Variants in CCDC178 observed in about 807,000 individuals in gnomAD.
The protein encoded by CCDC178 is coiled-coil domain containing 178.
A neutral mutation model predicts 117.4 loss-of-function variants in CCDC178; 126 were observed. The ratio of observed to expected loss-of-function variants is 1.07; its 90% confidence interval spans 0.93 to 1.24. The LOEUF (loss-of-function observed/expected upper bound fraction) is 1.24. Among genes scored for constraint, CCDC178 ranks in the 50% most tolerant of loss-of-function variants. The probability of loss-of-function intolerance (pLI) is 0.00; values close to 1 mark genes in which losing one functional copy is unlikely to be tolerated. For synonymous variants in CCDC178, 283 were observed against 313.4 expected, an observed-to-expected ratio of 0.90 and a Z score of 1.02; for missense variants, 1,030 against 986.9, an observed-to-expected ratio of 1.04 and a Z score of -0.59.
chr18:33,266,781 G>T, intron 14 of CCDC178, 135 bp downstream of exon 14: 5 of 922,252 alleles, frequency 5.4e-6, no homozygotes, highest in East Asian at 2.9e-5. Flanking sequence ...GCAACATTTT[G>T]AATAGAACTT....
At chr18:32,957,859 T>A (rs2054625308) in intron 22 of CCDC178, 1 of 160,306 alleles carries the variant, frequency 6.2e-6, no homozygotes, top group Non-Finnish European at 1.4e-5. Context: ...ATCGTATGAT[T>A]TGGAGCAAGT....
At chr18:33,027,222 G>T (rs1321741142) in intron 21 of CCDC178, among the ~76,000 whole-genome samples, 1 of 151,820 alleles carries the variant, frequency 6.6e-6, no homozygotes, top group Middle Eastern at 3.4e-3. Flanking sequence ...CCATGAAAAG[G>T]TTAGTAAAAG....
At chr18:32,940,821 G>C (rs1287346913) in intron 22 of CCDC178, among the ~76,000 whole-genome samples, 2 of 152,038 alleles carry the variant, frequency 1.3e-5, no homozygotes, top group African/African-American at 4.8e-5. Context: ...GCAAAACATT[G>C]ATCAGAACAA....
At position 33,005,088 on chromosome 18, in the gene CCDC178, A is replaced by C. The variant is rs118082367; in HGVS notation, c.2389-30407T>G. On this transcript the variant is annotated intron_variant, in intron 21 of 22. Transcript: ENST00000383096. ...TCAAAAAACTAAAAATAGAGCTCCC[A>C]TATGACCCAACAATCCTACTGCTAG... Among the ~76,000 whole-genome samples, 1,215 of 152,230 alleles carry C rather than the reference A, an allele frequency of 8.0e-3. 10 individuals carry two copies. Among genetic ancestry groups the C allele is most frequent in the Non-Finnish European group, 9.7e-3 (657 of 67,968 alleles).
intron 15 of CCDC178, among the ~76,000 whole-genome samples, chr18:33,233,620 G>A (rs917045752): frequency 4.6e-5 from 7 of 151,784 alleles, no homozygotes; most frequent in Admixed American, 4.6e-4. Flanking sequence ...GTAGCCTCAC[G>A]CTATAGGAGT....
At chr18:33,313,290 G>C (rs952905454) in intron 11 of CCDC178, among the ~76,000 whole-genome samples, 4 of 152,176 alleles carry the variant, frequency 2.6e-5, no homozygotes, top group Admixed American at 6.5e-5. Flanking sequence ...AGCCCAGGTG[G>C]AAGCAGTTCA....
In CCDC178 at chr18:32,937,742, A is replaced by T; in HGVS notation, c.*269T>A. On this transcript the variant is annotated 3_prime_UTR_variant, in exon 23 of 23. Coordinates refer to ENST00000383096, the MANE Select transcript of CCDC178 (RefSeq NM_001105528.4). ...TCTCTTCCAATTAATGGTGACATAGATTAATTATCAGATGAGGCAAAGCCA... is the reference window on the plus strand; with the variant it reads ...TCTCTTCCAATTAATGGTGACATAGTTTAATTATCAGATGAGGCAAAGCCA... 5.0e-6 allele frequency: 2 copies of T among 397,522 alleles called. No individual in the cohort carries two copies. The allele number at this position is 397,522 out of a possible 1,614,324, so 24.6% of individuals were successfully genotyped here. A position where few individuals can be genotyped will look rare whatever the true frequency, so the allele number is the denominator to read the frequency against.
chr18:33,275,409 C>G (rs956450344), intron 12 of CCDC178, among the ~76,000 whole-genome samples: 1 of 151,286 alleles, frequency 6.6e-6, no homozygotes, highest in Non-Finnish European at 1.5e-5. Context: ...TAAAGTTATT[C>G]ATTTTAATAT....
intron 9 of CCDC178, among the ~76,000 whole-genome samples, chr18:33,334,237 A>G: frequency 6.6e-6 from 1 of 152,166 alleles, no homozygotes; most frequent in East Asian, 1.9e-4. Flanking sequence ...ACTAAAACAT[A>G]AAATAAACTA....
intron 20 of CCDC178, among the ~76,000 whole-genome samples, chr18:33,198,226 T>A (rs1598990387): frequency 6.6e-6 from 1 of 152,178 alleles, no homozygotes; most frequent in Non-Finnish European, 1.5e-5. Context: ...AAACCACTGA[T>A]AACTCACTAA....
chr18:33,260,802 A>T (rs1336749020), intron 14 of CCDC178, among the ~76,000 whole-genome samples: 2 of 152,012 alleles, frequency 1.3e-5, no homozygotes, highest in South Asian at 2.1e-4. Flanking sequence ...TTTTTTTCAT[A>T]AGGCTATTAG....
intron 11 of CCDC178, among the ~76,000 whole-genome samples, chr18:33,299,913 G>A (rs141937854): frequency 7.9e-5 from 12 of 152,226 alleles, no homozygotes; most frequent in Non-Finnish European, 7.4e-5. Context: ...CAATTAGGAT[G>A]GATATTATCA....
chr18:33,160,516 ACAC>A (rs1187491120), intron 20 of CCDC178, among the ~76,000 whole-genome samples: 1 of 152,144 alleles, frequency 6.6e-6, no homozygotes, highest in African/African-American at 2.4e-5. Flanking sequence ...CAAAGTGTAA[ACAC>A]TTGGTCAATA....
At chr18:33,322,935 A>G (rs1364473343) in intron 11 of CCDC178, among the ~76,000 whole-genome samples, 1 of 151,414 alleles carries the variant, frequency 6.6e-6, no homozygotes, top group Non-Finnish European at 1.5e-5. Context: ...ATCACACAGA[A>G]TCATAAAGAA....
At chr18:32,960,404 G>C (rs1000082691) in intron 22 of CCDC178, among the ~76,000 whole-genome samples, 1 of 152,048 alleles carries the variant, frequency 6.6e-6, no homozygotes, top group East Asian at 1.9e-4. Context: ...AGACTAGATG[G>C]GGAAGAAGGA....
intron 20 of CCDC178, among the ~76,000 whole-genome samples, chr18:33,197,832 T>C (rs2058949589): frequency 6.6e-6 from 1 of 152,336 alleles, no homozygotes; most frequent in East Asian, 1.9e-4. Context: ...TCTTTTTCCA[T>C]AAAGTGTGTT....
At chr18:33,389,852 C>A (rs969890018) in intron 4 of CCDC178, among the ~76,000 whole-genome samples, 3 of 151,646 alleles carry the variant, frequency 2.0e-5, no homozygotes, top group African/African-American at 7.3e-5. Flanking sequence ...TTCAAAATAG[C>A]ATGAGGCTGT....
intron 9 of CCDC178, among the ~76,000 whole-genome samples, chr18:33,344,273 C>T (rs995959730): frequency 1.4e-4 from 20 of 139,834 alleles, no homozygotes; most frequent in African/African-American, 4.1e-4. Flanking sequence ...CACTGCAGTC[C>T]GCAGTCCGGC....
At chr18:33,114,453 T>A (rs534823640) in intron 20 of CCDC178, among the ~76,000 whole-genome samples, 1 of 152,016 alleles carries the variant, frequency 6.6e-6, no homozygotes, top group South Asian at 2.1e-4. Flanking sequence ...TTGGACTTTG[T>A]GAATTCAGAA....
Sources: gnomAD v4.1 joint callset for allele counts (sites outside exome capture counted in the v4.1 genomes callset) on GRCh38, gnomAD v4.1.1 for gene constraint, MANE v1.5 for transcripts, NCBI Gene and HGNC (gene_info 2026-07-23, HGNC 2026-07-21) for gene names.